The following AFAP1L2 variants were observed in gnomAD, a reference collection of about 807,000 sequenced individuals.
AFAP1L2 encodes the protein actin filament associated protein 1 like 2.
AFAP1L2 carries 46 observed loss-of-function variants against 99.3 expected under a neutral mutation model. The ratio of observed to expected loss-of-function variants is 0.46; its 90% CI spans 0.37 to 0.59. AFAP1L2 has a LOEUF of 0.59. AFAP1L2 is among the 20% of genes least tolerant of loss of function. The pLI is 0.00. For synonymous variants in AFAP1L2, 397 were observed against 419.1 expected, an observed-to-expected ratio of 0.95 and a Z score of 0.64; for missense variants, 959 against 1,034.9, an observed-to-expected ratio of 0.93 and a Z score of 1.01.
At chr10:114,287,117 A>G in the AFAP1L2 span, among the ~76,000 whole-genome samples, 1 of 152,104 alleles carries the variant, frequency 6.6e-6, no homozygotes, top group Non-Finnish European at 1.5e-5. Flanking sequence ...ATTGGAAGGC[A>G]CTCTAGAGAA....
chr10:114,346,324 T>G (rs967923145), intron 1 of AFAP1L2, among the ~76,000 whole-genome samples: 2 of 152,160 alleles, frequency 1.3e-5, no homozygotes, highest in Non-Finnish European at 2.9e-5. Context: ...TTGCGCATAG[T>G]CGTCTGGGTG....
At chr10:114,291,367 C>G (rs1033397449), downstream of AFAP1L2, 1 of 1,154,574 alleles carries the variant, frequency 8.7e-7, no homozygotes, top group African/African-American at 1.6e-5. Context: ...GTCTGCTTCC[C>G]GCCGTGGCCA....
chr10:114,322,272 G>T (rs889391343), intron 5 of AFAP1L2, among the ~76,000 whole-genome samples: 2 of 152,118 alleles, frequency 1.3e-5, no homozygotes, highest in African/African-American at 4.8e-5. Flanking sequence ...ACTAAGTTAG[G>T]TCAGTCCCTA....
Position 114,331,812 on chromosome 10 carries a change from T to A in AFAP1L2, c.306A>T (p.Pro102=). 1 of 1,388,778 alleles carries A rather than the reference T, an allele frequency of 7.2e-7. No individual in the cohort carries two copies. Among genetic ancestry groups the A allele is most frequent in the Non-Finnish European group, 9.4e-7 (1 of 1,064,420 alleles). The allele number at this position is 1,388,778 out of a possible 1,614,324, so 86.0% of individuals were successfully genotyped here. A position where few individuals can be genotyped will look rare whatever the true frequency, so the allele number is the denominator to read the frequency against. Residue 102 remains proline (P), a synonymous_variant, in exon 4 of 19, where the codon CCA becomes CCT. Coordinates refer to ENST00000304129, the MANE Select transcript of AFAP1L2 (RefSeq NM_001001936.3). Reference sequence around the variant, plus strand: ...CTGAACTGATGCTTACCATCTTGGGTGGCGGGAGGTCTGGAAGGCTCTTCT... The same window carrying A: ...CTGAACTGATGCTTACCATCTTGGGAGGCGGGAGGTCTGGAAGGCTCTTCT... ...APQKSLPDLP[P]PKMIPERKQL...
chr10:114,386,391 A>C (rs2056502216), intron 1 of AFAP1L2, among the ~76,000 whole-genome samples: 1 of 152,078 alleles, frequency 6.6e-6, no homozygotes, highest in African/African-American at 2.4e-5. Context: ...ACAGAGCAAA[A>C]CCCCATCTCC....
chr10:114,308,204 G>A (rs1360903153), intron 9 of AFAP1L2, among the ~76,000 whole-genome samples: 1 of 152,142 alleles, frequency 6.6e-6, no homozygotes, highest in Non-Finnish European at 1.5e-5. Flanking sequence ...TTTGAAATAG[G>A]GTTAGCAAAC....
At chr10:114,309,110 G>A (rs572489163) in intron 8 of AFAP1L2, among the ~76,000 whole-genome samples, 5 of 152,120 alleles carry the variant, frequency 3.3e-5, no homozygotes, top group Admixed American at 2.0e-4. Flanking sequence ...ATCAAGCTGC[G>A]TTTAGAGAGT....
chr10:114,319,760 G>A (rs945009860), intron 5 of AFAP1L2: 1 of 652,938 alleles, frequency 1.5e-6, no homozygotes, highest in Admixed American at 2.7e-5. Context: ...CAACTCGGCT[G>A]CCAGTCCACC....
intron 1 of AFAP1L2, chr10:114,363,166 C>T (rs1386199148): frequency 5.1e-6 from 5 of 985,412 alleles, no homozygotes; most frequent in South Asian, 4.7e-5. Flanking sequence ...ACTGGGGAAA[C>T]GGGTTCCTGG....
At chr10:114,334,782 AC>A (rs1287939603) in intron 2 of AFAP1L2, among the ~76,000 whole-genome samples, 3 of 152,248 alleles carry the variant, frequency 2.0e-5, no homozygotes, top group African/African-American at 7.2e-5. Context: ...CTTCTCCAGC[AC>A]ATGGCAGAGG....
chr10:114,297,438 C>A, intron 16 of AFAP1L2, 25 bp from the exon 17 acceptor site: 1 of 1,605,276 alleles, frequency 6.2e-7, no homozygotes, highest in South Asian at 1.1e-5. Flanking sequence ...ATGCAGGTGT[C>A]AGAGAACAGC....
In AFAP1L2 at chr10:114,350,592, G is replaced by A. The variant is rs17091722; in HGVS notation, c.17-9861C>T. Among the ~76,000 whole-genome samples, 150 of 152,290 alleles carry A rather than the reference G, an allele frequency of 9.8e-4. 1 individual carries two copies. The East Asian group carries it at 0.024, about 25-fold the overall frequency. ...GGTCAGTCCAGTAGACCTGGGCAAA[G>A]GGCTCACAAGTCCCATCTGGGCCAG... On this transcript the variant is annotated intron_variant, in intron 1 of 18. Transcript: ENST00000304129.
At position 114,304,721 on chromosome 10, in the gene AFAP1L2, C is replaced by G. The variant is rs1356683998; in HGVS notation, c.1282G>C (p.Glu428Gln). Reference protein sequence around the residue: ...LHKGEELAKLEAKSSEEMGHW... With the variant: ...LHKGEELAKLQAKSSEEMGHW... ...CTCCCCCTGCAGGCCGGCGGTACCT[C>G]AAGCTTGGCCAGCTCCTCGCCCTTG... The change falls in exon 11 of 19, where the codon GAG becomes CAG. Residue 428 changes from glutamate (E) to glutamine (Q), a missense_variant and splice_region_variant. Transcript: ENST00000304129. The G allele has an allele frequency of 1.9e-6, 3 of 1,601,170 alleles. No individual in the cohort carries two copies. In the Admixed American group the frequency reaches 5.0e-5, roughly 27 times the overall value.
At chr10:114,363,331 G>A (rs1011451849) in intron 1 of AFAP1L2, among the ~76,000 whole-genome samples, 1 of 152,182 alleles carries the variant, frequency 6.6e-6, no homozygotes, top group Non-Finnish European at 1.5e-5. Context: ...CACTGGCCCA[G>A]AATCAGGCCA....
At position 114,297,217 on chromosome 10, in the gene AFAP1L2, C is replaced by G. The variant is rs768128077; in HGVS notation, c.2307+3G>C. 8 of 1,544,962 alleles carry G rather than the reference C, an allele frequency of 5.2e-6. No homozygotes were observed. Among genetic ancestry groups the G allele is most frequent in the African/African-American group, 4.1e-5 (3 of 72,856 alleles). ...GCCCAGAGGCCGCAGTTCCAGCACTCACGCGGGGGCTCACATTCTCCAGGT... is the reference window on the plus strand; with the variant it reads ...GCCCAGAGGCCGCAGTTCCAGCACTGACGCGGGGGCTCACATTCTCCAGGT... On this transcript the variant is annotated splice_donor_region_variant and intron_variant, in intron 17 of 18. Coordinates refer to ENST00000304129, the MANE Select transcript of AFAP1L2 (RefSeq NM_001001936.3).
At chr10:114,346,278 C>T (rs11196707) in intron 1 of AFAP1L2, among the ~76,000 whole-genome samples, 16,081 of 152,180 alleles carry the variant, frequency 0.11, 1,038 homozygotes, top group East Asian at 0.24. Flanking sequence ...CTCTTGCTGG[C>T]GTCTGCCTCC....
At chr10:114,285,378 T>C in the AFAP1L2 span, among the ~76,000 whole-genome samples, 171 of 152,368 alleles carry the variant, frequency 1.1e-3, 3 homozygotes, top group South Asian at 0.025. Flanking sequence ...GATAGTAGGC[T>C]TTACCTCACT....
At chr10:114,352,501 C>T (rs1043524133) in intron 1 of AFAP1L2, among the ~76,000 whole-genome samples, 4 of 19,892 alleles carry the variant, frequency 2.0e-4, no homozygotes, top group African/African-American at 5.8e-4. Context: ...AAAAAAAAAG[C>T]AACCGGAGAT....
chr10:114,353,919 G>A (rs1055571851), intron 1 of AFAP1L2, among the ~76,000 whole-genome samples: 1 of 152,168 alleles, frequency 6.6e-6, no homozygotes, highest in Admixed American at 6.5e-5. Flanking sequence ...GGCATCTTGG[G>A]AGACGGAAGG....
Sources: allele counts gnomAD v4.1 joint callset (sites outside exome capture counted in the v4.1 genomes callset), GRCh38; gene constraint gnomAD v4.1.1; transcripts MANE v1.5; gene names NCBI Gene and HGNC (gene_info 2026-07-23, HGNC 2026-07-21).